RANBP2: variants seen among roughly 807,000 people sequenced by gnomAD.
The protein encoded by RANBP2 is E3 SUMO-protein ligase RanBP2.
Under a neutral mutation model 303.6 loss-of-function variants are expected in RANBP2, and 57 were observed. The ratio of observed to expected loss-of-function variants is 0.19; its 90% CI spans 0.15 to 0.23. The LOEUF (loss-of-function observed/expected upper bound fraction) is 0.23, where lower values mean the gene tolerates loss of function less well. Among genes scored for constraint, RANBP2 ranks in the 10% least tolerant of loss-of-function variants. The pLI is 1.00. For synonymous variants in RANBP2, 1,167 were observed against 1,301.5 expected (o/e 0.90, Z 2.23); for missense variants, 3,138 against 3,780.8 (o/e 0.83, Z 4.46).
the RANBP2 span, among the ~76,000 whole-genome samples, chr2:109,154,814 A>G: frequency 6.6e-6 from 1 of 152,174 alleles, no homozygotes; most frequent in African/African-American, 2.4e-5. Context: ...CCTGCTGCAT[A>G]GAGCCTTCTG....
the RANBP2 span, among the ~76,000 whole-genome samples, chr2:109,633,002 G>C: frequency 7.9e-5 from 12 of 152,300 alleles, no homozygotes; most frequent in South Asian, 2.1e-4. Flanking sequence ...ATGGCTTGGA[G>C]GAGGGGAACT....
At chr2:109,223,809 A>G in the RANBP2 span, among the ~76,000 whole-genome samples, 3 of 152,166 alleles carry the variant, frequency 2.0e-5, no homozygotes, top group Non-Finnish European at 4.4e-5. Context: ...TGTTCAATAC[A>G]TGTTTGTGCA....
the RANBP2 span, among the ~76,000 whole-genome samples, chr2:109,137,983 A>T: frequency 6.6e-6 from 1 of 152,208 alleles, no homozygotes; most frequent in Non-Finnish European, 1.5e-5. Flanking sequence ...TTACCCATAA[A>T]TGCAATGGCA....
the RANBP2 span, among the ~76,000 whole-genome samples, chr2:109,660,761 A>G: frequency 3.9e-5 from 6 of 152,190 alleles, no homozygotes; most frequent in Non-Finnish European, 7.3e-5. Context: ...TTTTCTGAAA[A>G]ACAGTGATAA....
At chr2:109,692,790 A>G in the RANBP2 span, among the ~76,000 whole-genome samples, 1 of 150,724 alleles carries the variant, frequency 6.6e-6, no homozygotes, top group South Asian at 2.1e-4. Flanking sequence ...ACCGTCACTC[A>G]TTCAACTTGT....
the RANBP2 span, among the ~76,000 whole-genome samples, chr2:108,892,922 A>G: frequency 4.6e-5 from 7 of 152,258 alleles, no homozygotes; most frequent in South Asian, 2.1e-4. Flanking sequence ...TTTTTGTTCT[A>G]AGTGGAAGAG....
At chr2:109,356,610 G>T in the RANBP2 span, among the ~76,000 whole-genome samples, 969 of 152,290 alleles carry the variant, frequency 6.4e-3, 10 homozygotes, top group East Asian at 0.048. Context: ...CCATCCCAGG[G>T]CTTGGCACTT....
the RANBP2 span, among the ~76,000 whole-genome samples, chr2:109,672,318 G>A: frequency 6.6e-6 from 1 of 152,210 alleles, no homozygotes; most frequent in Non-Finnish European, 1.5e-5. Context: ...GCAAGAGGCA[G>A]GGTGGGTAAT....
chr2:109,644,439 A>G, the RANBP2 span, among the ~76,000 whole-genome samples: 3 of 152,344 alleles, frequency 2.0e-5, no homozygotes, highest in Non-Finnish European at 4.4e-5. Context: ...GGGCGGTTCC[A>G]ATGGTATTGA....
At chr2:109,235,036 A>G in the RANBP2 span, among the ~76,000 whole-genome samples, 1 of 152,190 alleles carries the variant, frequency 6.6e-6, no homozygotes, top group African/African-American at 2.4e-5. Flanking sequence ...TGGTCCCTTC[A>G]GCCCAGTAGG....
the RANBP2 span, among the ~76,000 whole-genome samples, chr2:109,448,563 T>G: frequency 6.6e-6 from 1 of 152,178 alleles, no homozygotes; most frequent in Non-Finnish European, 1.5e-5. Context: ...GGTTGCACGC[T>G]CCTTATGAGA....
the RANBP2 span, among the ~76,000 whole-genome samples, chr2:108,939,518 A>T: frequency 6.6e-6 from 1 of 152,286 alleles, no homozygotes; most frequent in East Asian, 1.9e-4. Context: ...CCAAGAAGAG[A>T]TGATGGCTAA....
At chr2:108,986,841 G>T in the RANBP2 span, among the ~76,000 whole-genome samples, 1 of 152,202 alleles carries the variant, frequency 6.6e-6, no homozygotes, top group African/African-American at 2.4e-5. Context: ...TAGGCATTGA[G>T]ATGGAGGCGG....
At chr2:108,832,132 C>G in the RANBP2 span, among the ~76,000 whole-genome samples, 1 of 151,846 alleles carries the variant, frequency 6.6e-6, no homozygotes, top group Non-Finnish European at 1.5e-5. Flanking sequence ...TGGGTTCAAG[C>G]AGTTCTTCTG....
the RANBP2 span, chr2:109,544,279 G>A: frequency 5.0e-6 from 8 of 1,612,624 alleles, no homozygotes; most frequent in Non-Finnish European, 6.8e-6. Flanking sequence ...TGCTTGTGAT[G>A]ATGACCTTCT....
At chr2:108,940,471 A>G in the RANBP2 span, 7 of 152,376 alleles carry the variant, frequency 4.6e-5, no homozygotes, top group African/African-American at 1.7e-4. Flanking sequence ...TGAAGCCACT[A>G]TGAGCCCAGG....
At chr2:109,078,712 T>G in the RANBP2 span, among the ~76,000 whole-genome samples, 105 of 146,810 alleles carry the variant, frequency 7.2e-4, 2 homozygotes, top group Non-Finnish European at 1.3e-3. Context: ...GCCGGGCGCG[T>G]TGGTGCGCGC....
At chr2:109,037,284 A>C in the RANBP2 span, among the ~76,000 whole-genome samples, 1 of 149,378 alleles carries the variant, frequency 6.7e-6, no homozygotes, top group African/African-American at 2.5e-5. Flanking sequence ...TAATTGTGCC[A>C]CTGCACTCCA....
rs778753332 is a variant in RANBP2 at position 108,771,717 on chromosome 2, A to T, written c.7866A>T (p.Lys2622Asn). The T allele has an allele frequency of 2.9e-5, 46 of 1,613,120 alleles. No homozygotes were observed. Among genetic ancestry groups the T allele is most frequent in the Non-Finnish European group, 3.7e-5 (44 of 1,179,894 alleles). Residue 2622 changes from lysine (K) to asparagine (N), a missense_variant, in exon 21 of 29, where the codon AAA becomes AAT. By Grantham distance (94) the Lys-to-Asn change is moderately conservative. Coordinates refer to ENST00000283195, the MANE Select transcript of RANBP2 (RefSeq NM_006267.5). ...GTGTTACAGCAAAAGAGAAGAAAAAACCTGAAGATTCTCCCTCAGATGATG... is the reference window on the plus strand; with the variant it reads ...GTGTTACAGCAAAAGAGAAGAAAAATCCTGAAGATTCTCCCTCAGATGATG... ...KTPEKAKEKKKPEDSPSDDDV... is the reference protein window; with the variant it reads ...KTPEKAKEKKNPEDSPSDDDV...
Sources: allele counts gnomAD v4.1 joint callset (sites outside exome capture counted in the v4.1 genomes callset), GRCh38; gene constraint gnomAD v4.1.1; transcripts MANE v1.5; gene names NCBI Gene and HGNC (gene_info 2026-07-23, HGNC 2026-07-21).